PRICKLE2: variants seen among roughly 807,000 people sequenced by gnomAD.
The protein encoded by PRICKLE2 is prickle planar cell polarity protein 2.
In PRICKLE2, 21 loss-of-function variants were observed where a neutral mutation model predicts 81.4. That is an observed-to-expected ratio of 0.26 (90% confidence interval 0.18 to 0.37). The LOEUF is 0.37. Among genes scored for constraint, PRICKLE2 ranks in the 10% least tolerant of loss-of-function variants. The probability of loss-of-function intolerance (pLI) is 1.00; values close to 1 mark genes in which losing one functional copy is unlikely to be tolerated. For synonymous variants in PRICKLE2, 456 were observed against 421.5 expected, an observed-to-expected ratio of 1.08 and a Z score of -1.00; for missense variants, 940 against 1,109.0, an observed-to-expected ratio of 0.85 and a Z score of 2.16.
chr3:64,147,390 G>A lies in PRICKLE2; in HGVS notation c.1100C>T (p.Ala367Val). The A allele has an allele frequency of 1.9e-6, 3 of 1,614,246 alleles. No homozygotes were observed. Among genetic ancestry groups the A allele is most frequent in the Non-Finnish European group, 2.5e-6 (3 of 1,180,042 alleles). ...CTGCAGTGACAGGGGGTCTACGTCG[G>A]CTGACAGCCGGTTAGAACTCACTTG... ...QLQVSSNRLS[A>V]DVDPLSLQMD... Residue 367 changes from alanine to valine, a missense_variant, in exon 7 of 8, where the codon GCC (alanine) becomes GTC (valine). Around this residue, in one of 2 missense-constraint regions of PRICKLE2, gnomAD observed 670 missense variants for 717.2 expected, o/e 0.93. Coordinates refer to ENST00000638394, the MANE Select transcript of PRICKLE2 (RefSeq NM_198859.4). This position sits in a 1 kb window ranked among gnomAD's most constrained non-coding sequence, Gnocchi z 5.0.
At chr3:64,234,561 C>A (rs149268847) in intron 2 of PRICKLE2, among the ~76,000 whole-genome samples, 275 of 152,210 alleles carry the variant, frequency 1.8e-3, no homozygotes, top group Middle Eastern at 3.4e-3. Context: ...GGGAACATGT[C>A]CCTTATTAGA....
intron 2 of PRICKLE2, among the ~76,000 whole-genome samples, chr3:64,243,743 C>T (rs1437274841): frequency 8.5e-5 from 13 of 152,096 alleles, no homozygotes; most frequent in Non-Finnish European, 4.4e-5. Flanking sequence ...TTAAGAAAAA[C>T]GATGTTAGAA....
At chr3:64,131,538 T>G (rs1272024177) in intron 7 of PRICKLE2, among the ~76,000 whole-genome samples, 1 of 152,202 alleles carries the variant, frequency 6.6e-6, no homozygotes, top group African/African-American at 2.4e-5. Context: ...ACTGTTTACT[T>G]AAGGAAAGGT....
At chr3:64,228,783 A>G (rs565314032), upstream of PRICKLE2, among the ~76,000 whole-genome samples, 4 of 152,318 alleles carry the variant, frequency 2.6e-5, no homozygotes, top group East Asian at 5.8e-4. Context: ...GTCAGGAGAC[A>G]AGGATGCAAC....
Position 64,209,851 on chromosome 3 carries a change from G to A in PRICKLE2, c.-40-10884C>T, listed in dbSNP as rs148274054. Among the ~76,000 whole-genome samples, 93 of 152,340 alleles carry A rather than the reference G, an allele frequency of 6.1e-4. 1 individual carries two copies. The East Asian group carries it at 0.018, about 29-fold the overall frequency. On this transcript the variant is annotated intron_variant, in intron 1 of 7. Transcript: ENST00000638394. ...GACAGAAATAGGGAAATCAGAAAGA[G>A]AGGAACTGAGGATGGGTGAGGACGG...
chr3:64,137,726 A>G (rs1275233591), intron 7 of PRICKLE2, among the ~76,000 whole-genome samples: 1 of 152,186 alleles, frequency 6.6e-6, no homozygotes, highest in Non-Finnish European at 1.5e-5. Flanking sequence ...AAAGCAAAGC[A>G]GAAAAAGAAA....
chr3:64,224,343 T>A (rs1222957351), intron 1 of PRICKLE2, among the ~76,000 whole-genome samples: 1 of 152,152 alleles, frequency 6.6e-6, no homozygotes, highest in Non-Finnish European at 1.5e-5. Flanking sequence ...CTATGATCAC[T>A]CCCTCAAGAA....
At chr3:64,217,697 G>A (rs1330318440) in intron 1 of PRICKLE2, among the ~76,000 whole-genome samples, 1 of 152,188 alleles carries the variant, frequency 6.6e-6, no homozygotes, top group Non-Finnish European at 1.5e-5. Flanking sequence ...TGCCTCCAGT[G>A]CTGTGTTGAG....
At chr3:64,184,880 T>C (rs2078194967) in intron 2 of PRICKLE2, among the ~76,000 whole-genome samples, 1 of 152,196 alleles carries the variant, frequency 6.6e-6, no homozygotes, top group African/African-American at 2.4e-5. Context: ...TTCACAACTA[T>C]GTTCAAGCCC....
Position 64,153,158 on chromosome 3 carries a change from G to A in PRICKLE2, c.787+24C>T, listed in dbSNP as rs780111874. 5 of 1,611,882 alleles carry A rather than the reference G, an allele frequency of 3.1e-6. No individual in the cohort carries two copies. In the South Asian group the frequency reaches 5.5e-5, roughly 18 times the overall value. ...GGTGACCGCATCACAGAAGGACCAA[G>A]CTGACTGCCAAATATTGCCTCACCT... On this transcript the variant is annotated intron_variant, in intron 6 of 7. Transcript: ENST00000638394.
chr3:64,171,216 C>T (rs1002111265), intron 2 of PRICKLE2, among the ~76,000 whole-genome samples: 3 of 152,174 alleles, frequency 2.0e-5, no homozygotes, highest in Non-Finnish European at 2.9e-5. Flanking sequence ...CTTGACTATC[C>T]TAATAAATTA....
intron 2 of PRICKLE2, among the ~76,000 whole-genome samples, chr3:64,250,602 TAA>T (rs903743461): frequency 1.4e-4 from 22 of 152,132 alleles, no homozygotes; most frequent in African/African-American, 5.3e-4. Flanking sequence ...ATAAGAACAT[TAA>T]AAGAGTTAGA....
At chr3:64,153,399 G>A in intron 5 of PRICKLE2, 31 bp from the exon 6 acceptor site, 2 of 1,608,052 alleles carry the variant, frequency 1.2e-6, no homozygotes, top group Middle Eastern at 1.7e-4. Flanking sequence ...TGGTCAGTGT[G>A]TAAAACCCAT....
At chr3:64,110,596 C>T (rs2076827620) in intron 7 of PRICKLE2, among the ~76,000 whole-genome samples, 4 of 152,146 alleles carry the variant, frequency 2.6e-5, no homozygotes, top group Admixed American at 2.6e-4. Context: ...TGGAAAAGAA[C>T]TCTGTGTTGG....
intron 2 of PRICKLE2, among the ~76,000 whole-genome samples, chr3:64,252,106 C>A (rs2079455157): frequency 6.6e-6 from 1 of 151,304 alleles, no homozygotes; most frequent in Non-Finnish European, 1.5e-5. Context: ...CCAACATGGT[C>A]TAAAAAAAGT....
At chr3:64,189,199 G>C (rs1418388264) in intron 2 of PRICKLE2, among the ~76,000 whole-genome samples, 1 of 152,202 alleles carries the variant, frequency 6.6e-6, no homozygotes, top group East Asian at 1.9e-4. Flanking sequence ...CAGGGTAAGA[G>C]AGTGAGAAGA....
chr3:64,115,112 CA>C (rs771424993), intron 7 of PRICKLE2, among the ~76,000 whole-genome samples: 51 of 152,036 alleles, frequency 3.4e-4, no homozygotes, highest in African/African-American at 8.9e-4. Context: ...GATTCATAAG[CA>C]AAGGAGAAAT....
At chr3:64,255,306 G>A (rs1007472937) in intron 2 of PRICKLE2, among the ~76,000 whole-genome samples, 1 of 152,168 alleles carries the variant, frequency 6.6e-6, no homozygotes, top group African/African-American at 2.4e-5. Flanking sequence ...CTCAAGATTT[G>A]CATTTATGTT....
At chr3:64,267,849 A>G (rs1019979923) in intron 2 of PRICKLE2, 1 of 152,222 alleles carries the variant, frequency 6.6e-6, no homozygotes, top group Admixed American at 6.5e-5. Context: ...AGGAGCAAAC[A>G]TGCCCCTGCG....
Sources: allele counts gnomAD v4.1 joint callset (sites outside exome capture counted in the v4.1 genomes callset), GRCh38; gene constraint gnomAD v4.1.1; regional missense constraint gnomAD v4.1.1; non-coding constraint Gnocchi (gnomAD v3.1); transcripts MANE v1.5; gene names NCBI Gene and HGNC (gene_info 2026-07-23, HGNC 2026-07-21).